The following SOX6 variants were observed in gnomAD, a reference collection of about 807,000 sequenced individuals.
The protein encoded by SOX6 is SRY-box transcription factor 6, also known as transcription factor SOX-6.
Under a neutral mutation model 97.8 loss-of-function variants are expected in SOX6, and 11 were observed. That is an observed-to-expected ratio of 0.11 (90% CI 0.07 to 0.19). SOX6 has a LOEUF of 0.19. SOX6 is among the 10% of genes least tolerant of loss of function. SOX6 has a pLI of 1.00. For synonymous variants in SOX6, 360 were observed against 371.4 expected, an observed-to-expected ratio of 0.97 and a Z score of 0.35; for missense variants, 810 against 1,039.5, an observed-to-expected ratio of 0.78 and a Z score of 3.04.
Position 15,986,302 on chromosome 11 carries a change from T to C in SOX6, c.2085A>G (p.Lys695=). Residue 695 remains lysine, a synonymous_variant, in exon 15 of 16, where the codon AAA becomes AAG. Coordinates refer to ENST00000683767, the MANE Select transcript of SOX6 (RefSeq NM_001367873.1). ...TTTTGCCATCAACAATGCAGGTGCG[T>C]TTCGGTCGGGGTTTGTATTTATAGT... The part of the protein sequence containing the change: ...YPNYKYKPRP[K]RTCIVDGKKL... 1 of 1,614,068 alleles carries C rather than the reference T, an allele frequency of 6.2e-7. No homozygotes were observed.
intron 4 of SOX6, among the ~76,000 whole-genome samples, chr11:16,583,628 TATATATATACAC>T (rs1204959043): frequency 2.9e-5 from 4 of 137,854 alleles, no homozygotes; most frequent in African/African-American, 1.0e-4. Context: ...TATATATATA[TATATATATACAC>T]ATACACACAC....
intron 12 of SOX6, among the ~76,000 whole-genome samples, chr11:16,039,773 TA>T (rs1855609971): frequency 6.6e-6 from 1 of 152,118 alleles, no homozygotes. Flanking sequence ...ATTGTTATCT[TA>T]AATATTTTTT....
intron 3 of SOX6, among the ~76,000 whole-genome samples, chr11:16,679,766 T>G (rs1332624270): frequency 6.6e-6 from 1 of 152,156 alleles, no homozygotes; most frequent in Non-Finnish European, 1.5e-5. Flanking sequence ...AGACCTTAAA[T>G]GACCTGATGG....
At chr11:16,297,957 G>A (rs966138700) in intron 3 of SOX6, among the ~76,000 whole-genome samples, 1 of 152,014 alleles carries the variant, frequency 6.6e-6, no homozygotes, top group African/African-American at 2.4e-5. Context: ...TCAAAATTCT[G>A]GAGTCTCTTT....
At chr11:16,315,452 T>C (rs946612465) in intron 3 of SOX6, 24 of 152,136 alleles carry the variant, frequency 1.6e-4, no homozygotes, top group Non-Finnish European at 3.5e-4. Flanking sequence ...AAAAAAAAGA[T>C]ATACCATAAA....
intron 6 of SOX6, among the ~76,000 whole-genome samples, chr11:16,170,268 A>G (rs1851000137): frequency 6.6e-6 from 1 of 152,016 alleles, no homozygotes; most frequent in Admixed American, 6.6e-5. Context: ...ATAAAACCCA[A>G]TAAATCATTT....
chr11:16,509,829 T>C (rs1366536787), intron 4 of SOX6, among the ~76,000 whole-genome samples: 1 of 152,068 alleles, frequency 6.6e-6, no homozygotes, highest in Non-Finnish European at 1.5e-5. Context: ...AAATGGTTGC[T>C]ATAAAATAGG....
chr11:16,260,467 G>C (rs891364525), intron 3 of SOX6, among the ~76,000 whole-genome samples: 1 of 152,114 alleles, frequency 6.6e-6, no homozygotes, highest in Non-Finnish European at 1.5e-5. Context: ...GACTACTTCA[G>C]AGATCAACAC....
intron 4 of SOX6, among the ~76,000 whole-genome samples, chr11:16,495,761 T>G (rs985143983): frequency 1.3e-5 from 2 of 152,146 alleles, no homozygotes; most frequent in African/African-American, 4.8e-5. Flanking sequence ...AGAAGCTACC[T>G]GAAGGCCTAA....
chr11:16,291,478 A>G (rs748884550), intron 3 of SOX6, among the ~76,000 whole-genome samples: 8 of 151,916 alleles, frequency 5.3e-5, no homozygotes, highest in Non-Finnish European at 1.0e-4. Context: ...AGAATACACC[A>G]TTACGTTTTT....
At chr11:16,144,447 A>G (rs188288511) in intron 6 of SOX6, among the ~76,000 whole-genome samples, 44 of 152,274 alleles carry the variant, frequency 2.9e-4, no homozygotes, top group Non-Finnish European at 3.7e-4. Context: ...ATGTGTTGGA[A>G]GCAAGAGCAA....
intron 3 of SOX6, among the ~76,000 whole-genome samples, chr11:16,239,970 A>T (rs1361381998): frequency 6.6e-6 from 1 of 152,060 alleles, no homozygotes; most frequent in Non-Finnish European, 1.5e-5. Flanking sequence ...TAAAACAATT[A>T]ACCCTCCCCT....
At chr11:15,989,922 A>G (rs1853994632) in intron 13 of SOX6, among the ~76,000 whole-genome samples, 3 of 152,174 alleles carry the variant, frequency 2.0e-5, no homozygotes, top group African/African-American at 7.2e-5. Flanking sequence ...ACAGGGCACC[A>G]AAAAAGCACC....
intron 1 of SOX6, among the ~76,000 whole-genome samples, chr11:16,389,671 A>C (rs1858101301): frequency 1.3e-5 from 2 of 152,170 alleles, no homozygotes; most frequent in Middle Eastern, 3.4e-3. Flanking sequence ...ATAGTATTGC[A>C]GTTTAAGAAG....
chr11:16,301,260 T>C (rs1487000319), intron 3 of SOX6, among the ~76,000 whole-genome samples: 1 of 152,184 alleles, frequency 6.6e-6, no homozygotes, highest in African/African-American at 2.4e-5. Context: ...ATCAAACAAA[T>C]TTATCCATTA....
intron 13 of SOX6, among the ~76,000 whole-genome samples, chr11:16,013,494 C>A (rs1854791716): frequency 6.6e-6 from 1 of 151,914 alleles, no homozygotes; most frequent in Non-Finnish European, 1.5e-5. Flanking sequence ...CTTTTAAGTG[C>A]CTATGAAAAT....
At chr11:16,331,342 A>G (rs1248698668) in intron 2 of SOX6, among the ~76,000 whole-genome samples, 1 of 152,106 alleles carries the variant, frequency 6.6e-6, no homozygotes, top group East Asian at 1.9e-4. Context: ...TAGAGATGCA[A>G]CTCTGTTGAC....
At chr11:16,575,142 T>A (rs4757413) in intron 4 of SOX6, among the ~76,000 whole-genome samples, 149,341 of 152,260 alleles carry the variant, frequency 0.98, 73,316 homozygotes, top group Non-Finnish European at 1. Flanking sequence ...ATAGCTTATT[T>A]AAAAAGTGCT....
chr11:16,269,596 G>A (rs1007734964), intron 3 of SOX6, among the ~76,000 whole-genome samples: 7 of 150,790 alleles, frequency 4.6e-5, no homozygotes, highest in Admixed American at 4.0e-4. Context: ...TATTTGTTCA[G>A]ATGTACTACT....
Sources: allele counts gnomAD v4.1 joint callset (sites outside exome capture counted in the v4.1 genomes callset), GRCh38; gene constraint gnomAD v4.1.1; transcripts MANE v1.5; gene names NCBI Gene and HGNC (gene_info 2026-07-23, HGNC 2026-07-21).